ACYP2: variants seen among roughly 807,000 people sequenced by gnomAD.
ACYP2 encodes acylphosphatase-2.
Under a neutral mutation model 11.2 loss-of-function variants are expected in ACYP2, and 12 were observed. The ratio of observed to expected loss-of-function variants is 1.08; its 90% CI spans 0.69 to 1.74. The LOEUF (loss-of-function observed/expected upper bound fraction) is 1.74, where lower values mean the gene tolerates loss of function less well. Ranked by LOEUF, ACYP2 falls within the 40% of genes most tolerant of loss-of-function variation. The pLI is 0.00. For missense variants in ACYP2, 134 were observed against 101.9 expected (o/e 1.31, Z -1.35); for synonymous variants, 43 against 32.2 (o/e 1.33, Z -1.13).
intron 6 of ACYP2, among the ~76,000 whole-genome samples, chr2:54,282,670 A>T (rs924974561): frequency 6.6e-6 from 1 of 152,216 alleles, no homozygotes; most frequent in African/African-American, 2.4e-5. Context: ...AATCACTAGA[A>T]ACAAAGATTT....
chr2:54,129,138 T>A (rs550845956), intron 4 of ACYP2, among the ~76,000 whole-genome samples: 3 of 152,300 alleles, frequency 2.0e-5, no homozygotes, highest in Admixed American at 6.5e-5. Context: ...ATGATGCAGC[T>A]AACATGATGC....
chr2:54,046,654 T>C (rs1675541191), intron 2 of ACYP2, among the ~76,000 whole-genome samples: 1 of 152,094 alleles, frequency 6.6e-6, no homozygotes, highest in Non-Finnish European at 1.5e-5. Flanking sequence ...TGGAGGAAAG[T>C]GATATGAACA....
chr2:54,037,094 A>G (rs1369752663), intron 2 of ACYP2, among the ~76,000 whole-genome samples: 2 of 152,270 alleles, frequency 1.3e-5, no homozygotes, highest in Non-Finnish European at 2.9e-5. Flanking sequence ...CCTTTAGAAA[A>G]TATTTCAATG....
chr2:53,989,585 G>A (rs545430066), intron 2 of ACYP2, among the ~76,000 whole-genome samples: 1 of 152,272 alleles, frequency 6.6e-6, no homozygotes, highest in Admixed American at 6.5e-5. Context: ...CTAGGTCTTG[G>A]TGGGAAGTAG....
intron 6 of ACYP2, among the ~76,000 whole-genome samples, chr2:54,219,322 C>T (rs1385333831): frequency 6.6e-6 from 1 of 151,836 alleles, no homozygotes; most frequent in African/African-American, 2.4e-5. Flanking sequence ...GTTTTTGAAT[C>T]ATTAGACCAG....
intron 2 of ACYP2, among the ~76,000 whole-genome samples, chr2:53,993,464 C>G (rs1672404025): frequency 6.6e-6 from 1 of 150,522 alleles, no homozygotes; most frequent in African/African-American, 2.4e-5. Flanking sequence ...TCCCAGCGCT[C>G]TGGTGGGCAG....
intron 6 of ACYP2, among the ~76,000 whole-genome samples, chr2:54,199,342 G>A (rs549251530): frequency 2.6e-5 from 4 of 152,232 alleles, no homozygotes; most frequent in Admixed American, 1.3e-4. Context: ...TCCTCTGCTC[G>A]TGCACACGTG....
intron 4 of ACYP2, among the ~76,000 whole-genome samples, chr2:54,124,945 G>C (rs1047918075): frequency 6.6e-6 from 1 of 152,052 alleles, no homozygotes; most frequent in Non-Finnish European, 1.5e-5. Flanking sequence ...GTAGAGATGG[G>C]GTTTCACCAT....
intron 2 of ACYP2, among the ~76,000 whole-genome samples, chr2:53,982,957 C>T (rs1263874291): frequency 6.6e-6 from 1 of 151,310 alleles, no homozygotes; most frequent in African/African-American, 2.4e-5. Flanking sequence ...TATTCCTTTT[C>T]GTAAAGATCC....
At chr2:54,046,437 C>G (rs1675529067) in intron 2 of ACYP2, among the ~76,000 whole-genome samples, 2 of 147,894 alleles carry the variant, frequency 1.4e-5, no homozygotes, top group Non-Finnish European at 1.5e-5. Flanking sequence ...CTGCAGTGAA[C>G]TGCAGTGCCA....
Position 54,005,901 on chromosome 2 carries a change from A to G in ACYP2, c.62+32091A>G, listed in dbSNP as rs138980819. ...TTTTGATTGGAATTGCATTAAATCT[A>G]TAGATCAAGTTGGAAAGAACTGACA... On this transcript the variant is annotated intron_variant, in intron 2 of 6. Transcript: ENST00000607452. Among the ~76,000 whole-genome samples the G allele has an allele frequency of 2.4e-3, 373 of 152,338 alleles. 4 individuals carry two copies. The highest frequency in any genetic ancestry group is 8.6e-3 in the African/African-American group (358 of 41,578).
chr2:54,129,348 A>T (rs1465254975), intron 4 of ACYP2, among the ~76,000 whole-genome samples: 1 of 152,014 alleles, frequency 6.6e-6, no homozygotes, highest in Non-Finnish European at 1.5e-5. Flanking sequence ...GCCCAGGCTG[A>T]TCTCGAACTC....
intron 4 of ACYP2, among the ~76,000 whole-genome samples, chr2:54,114,842 G>A (rs1197538569): frequency 6.6e-6 from 1 of 152,226 alleles, no homozygotes; most frequent in African/African-American, 2.4e-5. Flanking sequence ...TAGAATACGA[G>A]TTCAGGCTCA....
chr2:53,997,686 TAGG>T (rs1448093850), intron 2 of ACYP2, among the ~76,000 whole-genome samples: 1 of 152,110 alleles, frequency 6.6e-6, no homozygotes, highest in African/African-American at 2.4e-5. Context: ...TTTGGTGTAA[TAGG>T]AGCACAGTGT....
intron 2 of ACYP2, among the ~76,000 whole-genome samples, chr2:54,013,780 C>T (rs1477269891): frequency 2.7e-5 from 4 of 150,144 alleles, no homozygotes; most frequent in Non-Finnish European, 5.9e-5. Context: ...TAGTAGTTAG[C>T]CTGAGAAATG....
intron 4 of ACYP2, 89 bp downstream of exon 1, chr2:54,115,845 C>G (rs576680539): frequency 4.3e-6 from 6 of 1,380,046 alleles, no homozygotes; most frequent in Non-Finnish European, 4.8e-6. Context: ...TAAAGTATGC[C>G]TTTTCCCGTT....
intron 5 of ACYP2, 63 bp from the exon 3 acceptor site, chr2:54,138,576 A>C: frequency 7.7e-6 from 10 of 1,305,726 alleles, no homozygotes; most frequent in Non-Finnish European, 9.6e-6. Context: ...ATTAGAATCA[A>C]GTATGTTATG....
chr2:54,197,475 G>A (rs781236897), intron 6 of ACYP2, among the ~76,000 whole-genome samples: 4 of 152,190 alleles, frequency 2.6e-5, no homozygotes, highest in Non-Finnish European at 5.9e-5. Context: ...TAGTCTTGAG[G>A]AGAAAGCAAT....
chr2:54,259,649 G>C (rs1687697442), intron 6 of ACYP2, among the ~76,000 whole-genome samples: 1 of 151,242 alleles, frequency 6.6e-6, no homozygotes, highest in East Asian at 1.9e-4. Context: ...ACTTTCAGTG[G>C]AGTGGTGGGG....
Sources: gnomAD v4.1 joint callset for allele counts (sites outside exome capture counted in the v4.1 genomes callset) on GRCh38, gnomAD v4.1.1 for gene constraint, MANE v1.5 for transcripts, NCBI Gene and HGNC (gene_info 2026-07-23, HGNC 2026-07-21) for gene names.